Variants in MARCHF11 observed in about 807,000 individuals in gnomAD.
MARCHF11 encodes the protein membrane associated ring-CH-type finger 11, also known as E3 ubiquitin-protein ligase MARCHF11.
In MARCHF11, 29 loss-of-function variants were observed where a neutral mutation model predicts 37.3. The observed-to-expected ratio is 0.78, with a 90% CI of 0.58 to 1.06. The LOEUF (loss-of-function observed/expected upper bound fraction) is 1.06. Among genes scored for constraint, MARCHF11 ranks in the 50% least tolerant of loss-of-function variants. The pLI is 0.00. For missense variants in MARCHF11, 482 were observed against 533.4 expected, an observed-to-expected ratio of 0.90 and a Z score of 0.95; for synonymous variants, 233 against 228.0, an observed-to-expected ratio of 1.02 and a Z score of -0.20.
chr5:16,169,381 T>C (rs1259238338), intron 2 of MARCHF11, among the ~76,000 whole-genome samples: 1 of 151,994 alleles, frequency 6.6e-6, no homozygotes, highest in Non-Finnish European at 1.5e-5. Context: ...TGGAACTCTA[T>C]CGTTATAAGG....
chr5:16,151,649 A>ATTTGTG, intron 2 of MARCHF11, among the ~76,000 whole-genome samples: 1 of 131,498 alleles, frequency 7.6e-6, no homozygotes, highest in Non-Finnish European at 1.6e-5. Flanking sequence ...CGTGAGTTGA[A>ATTTGTG]TGTGTGTGTG....
At chr5:16,148,356 CA>C (rs1737839715) in intron 2 of MARCHF11, among the ~76,000 whole-genome samples, 1 of 152,112 alleles carries the variant, frequency 6.6e-6, no homozygotes, top group African/African-American at 2.4e-5. Context: ...TAACCAAATT[CA>C]GTGGCTACAT....
chr5:16,153,625 T>C (rs914642656), intron 2 of MARCHF11, among the ~76,000 whole-genome samples: 5 of 152,036 alleles, frequency 3.3e-5, no homozygotes, highest in Non-Finnish European at 7.4e-5. Context: ...AAACTATTTA[T>C]TGATGGATGT....
chr5:16,082,102 C>T (rs187514182), intron 3 of MARCHF11, among the ~76,000 whole-genome samples: 13 of 152,244 alleles, frequency 8.5e-5, no homozygotes, highest in Admixed American at 5.2e-4. Context: ...AAGGATAAAG[C>T]GTTGTTTCTC....
At chr5:16,134,330 C>T (rs566176277) in intron 2 of MARCHF11, among the ~76,000 whole-genome samples, 1 of 152,174 alleles carries the variant, frequency 6.6e-6, no homozygotes, top group African/African-American at 2.4e-5. Context: ...GGGTTCCACC[C>T]TCATGAGTGG....
intron 2 of MARCHF11, chr5:16,141,178 CA>C (rs1737696334): frequency 6.6e-6 from 1 of 152,156 alleles, no homozygotes; most frequent in Admixed American, 6.5e-5. Flanking sequence ...ACCCTCTCAA[CA>C]GGAGGCATTG....
intron 2 of MARCHF11, among the ~76,000 whole-genome samples, chr5:16,130,566 T>C (rs1302365071): frequency 2.0e-5 from 3 of 152,094 alleles, no homozygotes; most frequent in African/African-American, 7.2e-5. Context: ...AGAAAACTTC[T>C]TGGTTCTGGT....
At chr5:16,067,823 A>C (rs1322024792) in intron 3 of MARCHF11, 30 bp from the exon 4 acceptor site, 1 of 1,572,484 alleles carries the variant, frequency 6.4e-7, no homozygotes, top group African/African-American at 1.4e-5. Context: ...AAAACCAAAA[A>C]GACTGGTGAT....
chr5:16,166,762 C>T (rs556335951), intron 2 of MARCHF11, among the ~76,000 whole-genome samples: 5 of 151,884 alleles, frequency 3.3e-5, no homozygotes, highest in South Asian at 2.1e-4. Flanking sequence ...TAAACTTATG[C>T]TTAAGCAAAG....
chr5:16,145,918 T>C lies in MARCHF11; in HGVS notation c.693+31808A>G, dbSNP rs185127368. Reference sequence around the variant, plus strand: ...GAATTAGATACAACTTCACCTTTTTTATGAACTGAACCTCTGAGAGGGTTT... The same window carrying C: ...GAATTAGATACAACTTCACCTTTTTCATGAACTGAACCTCTGAGAGGGTTT... On this transcript the variant is annotated intron_variant, in intron 2 of 3. Coordinates refer to ENST00000332432, the MANE Select transcript of MARCHF11 (RefSeq NM_001102562.3). Among the ~76,000 whole-genome samples the C allele has an allele frequency of 2.9e-3, 445 of 152,320 alleles. 6 individuals carry two copies. Among genetic ancestry groups the C allele is most frequent in the African/African-American group, 9.7e-3 (403 of 41,574 alleles).
At chr5:16,080,729 C>T (rs1042293375) in intron 3 of MARCHF11, among the ~76,000 whole-genome samples, 2 of 152,178 alleles carry the variant, frequency 1.3e-5, no homozygotes, top group African/African-American at 4.8e-5. Context: ...TGATTAATCC[C>T]TTTTAATTCT....
chr5:16,107,046 G>A (rs1737052936), intron 2 of MARCHF11, among the ~76,000 whole-genome samples: 1 of 152,194 alleles, frequency 6.6e-6, no homozygotes, highest in South Asian at 2.1e-4. Context: ...CTGGCTGCAG[G>A]TGAGGTGTGT....
At chr5:16,110,607 T>G (rs1478320268) in intron 2 of MARCHF11, among the ~76,000 whole-genome samples, 2 of 152,200 alleles carry the variant, frequency 1.3e-5, no homozygotes, top group Non-Finnish European at 2.9e-5. Flanking sequence ...TTAGAGAAAC[T>G]GAGGACAAAG....
At chr5:16,108,865 C>T (rs6890898) in intron 2 of MARCHF11, among the ~76,000 whole-genome samples, 3,315 of 152,180 alleles carry the variant, frequency 0.022, 130 homozygotes, top group African/African-American at 0.076. Flanking sequence ...TTTATGGAGA[C>T]AACATTTGTA....
intron 2 of MARCHF11, among the ~76,000 whole-genome samples, chr5:16,093,387 G>T (rs1736816076): frequency 6.6e-6 from 1 of 152,152 alleles, no homozygotes; most frequent in African/African-American, 2.4e-5. Context: ...ATTGATCCAA[G>T]CCTCCTTGCA....
At position 16,139,731 on chromosome 5, in the gene MARCHF11, G is replaced by A. The variant is rs549409100; in HGVS notation, c.693+37995C>T. 1.2e-3 allele frequency among the ~76,000 whole-genome samples: 190 copies of A among 152,030 alleles called. 1 individual carries two copies. The highest frequency in any genetic ancestry group is 2.1e-3 in the South Asian group (10 of 4,812). On this transcript the variant is annotated intron_variant, in intron 2 of 3. Coordinates refer to ENST00000332432, the MANE Select transcript of MARCHF11 (RefSeq NM_001102562.3). Reference sequence around the variant, plus strand: ...AATATTTACATAGCAAAATCTATCCGAACTACAAAAGTATAAAAAATATAG... The same window carrying A: ...AATATTTACATAGCAAAATCTATCCAAACTACAAAAGTATAAAAAATATAG...
At chr5:16,163,940 C>A (rs1262096898) in intron 2 of MARCHF11, among the ~76,000 whole-genome samples, 2 of 151,998 alleles carry the variant, frequency 1.3e-5, no homozygotes, top group South Asian at 2.1e-4. Context: ...GACTTTGGGT[C>A]CCTTCCATTA....
At chr5:16,103,480 A>G (rs1370682478) in intron 2 of MARCHF11, among the ~76,000 whole-genome samples, 1 of 152,248 alleles carries the variant, frequency 6.6e-6, no homozygotes, top group East Asian at 1.9e-4. Flanking sequence ...CGATTACAAA[A>G]TCACAAGAAA....
At chr5:16,168,731 A>C (rs1445336216) in intron 2 of MARCHF11, among the ~76,000 whole-genome samples, 6 of 152,214 alleles carry the variant, frequency 3.9e-5, no homozygotes, top group East Asian at 1.9e-4. Flanking sequence ...AAAAGATGAG[A>C]GTCAGATGAT....
Sources: allele counts gnomAD v4.1 joint callset (sites outside exome capture counted in the v4.1 genomes callset), GRCh38; gene constraint gnomAD v4.1.1; transcripts MANE v1.5; gene names NCBI Gene and HGNC (gene_info 2026-07-23, HGNC 2026-07-21).